The following TMPRSS11A variants were observed in gnomAD, a reference collection of about 807,000 sequenced individuals.
TMPRSS11A encodes the protein transmembrane serine protease 11A, also known as transmembrane protease serine 11A.
In TMPRSS11A, 53 loss-of-function variants were observed where a neutral mutation model predicts 58.9. The ratio of observed to expected loss-of-function variants is 0.90; its 90% CI spans 0.72 to 1.13. TMPRSS11A has a LOEUF of 1.13. Ranked by LOEUF, TMPRSS11A falls within the 50% of genes most tolerant of loss-of-function variation. The pLI is 0.00. For synonymous variants in TMPRSS11A, 167 were observed against 169.8 expected, an observed-to-expected ratio of 0.98 and a Z score of 0.13; for missense variants, 493 against 499.3, an observed-to-expected ratio of 0.99 and a Z score of 0.12.
At chr4:67,933,846 A>G (rs1720688482) in intron 3 of TMPRSS11A, among the ~76,000 whole-genome samples, 1 of 152,190 alleles carries the variant, frequency 6.6e-6, no homozygotes, top group Non-Finnish European at 1.5e-5. Context: ...TTGGGTATTT[A>G]AAGAAGTTTG....
chr4:67,940,979 C>A (rs1720867412), intron 3 of TMPRSS11A, among the ~76,000 whole-genome samples: 1 of 152,176 alleles, frequency 6.6e-6, no homozygotes, highest in African/African-American at 2.4e-5. Flanking sequence ...TGCTTCTCCA[C>A]CTGCAGGATG....
intron 3 of TMPRSS11A, among the ~76,000 whole-genome samples, chr4:67,934,907 G>A (rs1212909931): frequency 2.6e-5 from 4 of 152,056 alleles, no homozygotes; most frequent in Non-Finnish European, 5.9e-5. Flanking sequence ...ACCTCAGATA[G>A]ATATGTCACT....
At chr4:67,938,769 T>C (rs1577863636) in intron 3 of TMPRSS11A, among the ~76,000 whole-genome samples, 1 of 152,190 alleles carries the variant, frequency 6.6e-6, no homozygotes. Flanking sequence ...TTGGTTTATA[T>C]GTCTGTTTTT....
intron 1 of TMPRSS11A, among the ~76,000 whole-genome samples, chr4:67,950,789 C>G (rs936682192): frequency 3.3e-5 from 5 of 152,158 alleles, no homozygotes; most frequent in African/African-American, 1.2e-4. Context: ...TTAAAAATAA[C>G]TAAGGGATAT....
intron 1 of TMPRSS11A, among the ~76,000 whole-genome samples, chr4:67,959,863 T>A (rs1461486992): frequency 6.6e-6 from 1 of 152,222 alleles, no homozygotes; most frequent in Non-Finnish European, 1.5e-5. Context: ...AAAAGATACA[T>A]GCACTCATGT....
intron 8 of TMPRSS11A, among the ~76,000 whole-genome samples, chr4:67,918,505 A>G (rs907400303): frequency 5.3e-5 from 8 of 152,356 alleles, no homozygotes; most frequent in Non-Finnish European, 1.2e-4. Flanking sequence ...ACACAGCTGG[A>G]ACAATAGAAA....
At chr4:67,919,533 C>T in intron 7 of TMPRSS11A, among the ~76,000 whole-genome samples, 1 of 152,096 alleles carries the variant, frequency 6.6e-6, no homozygotes, top group Admixed American at 6.5e-5. Context: ...TGTGCTGAGC[C>T]TTATCTGAAC....
intron 5 of TMPRSS11A, among the ~76,000 whole-genome samples, chr4:67,928,593 A>G (rs1720532135): frequency 6.6e-6 from 1 of 152,172 alleles, no homozygotes; most frequent in African/African-American, 2.4e-5. Context: ...TTGTTTCACA[A>G]CTTCTATTCA....
At chr4:67,921,745 T>A (rs1406298612) in intron 7 of TMPRSS11A, among the ~76,000 whole-genome samples, 1 of 152,224 alleles carries the variant, frequency 6.6e-6, no homozygotes, top group Non-Finnish European at 1.5e-5. Context: ...ATCTAGCCTA[T>A]CTATTACCTA....
At chr4:67,917,474 A>G (rs1273192063) in intron 8 of TMPRSS11A, among the ~76,000 whole-genome samples, 2 of 152,154 alleles carry the variant, frequency 1.3e-5, no homozygotes, top group Non-Finnish European at 2.9e-5. Context: ...GTACAATTTC[A>G]ATTTTAAAAA....
chr4:67,954,376 T>G (rs1396122297), intron 1 of TMPRSS11A, among the ~76,000 whole-genome samples: 1 of 152,224 alleles, frequency 6.6e-6, no homozygotes, highest in East Asian at 1.9e-4. Flanking sequence ...ACATCTGGCC[T>G]GCCAGGCTGG....
intron 9 of TMPRSS11A, among the ~76,000 whole-genome samples, chr4:67,912,984 C>A (rs1255194336): frequency 6.6e-6 from 1 of 152,042 alleles, no homozygotes; most frequent in Non-Finnish European, 1.5e-5. Context: ...TTATTTTTCT[C>A]CTCTGTGTCT....
At chr4:67,923,987 A>G in intron 6 of TMPRSS11A, 141 bp downstream of exon 6, 1 of 790,678 alleles carries the variant, frequency 1.3e-6, no homozygotes, top group Non-Finnish European at 2.2e-6. Context: ...TAGAAAAAAA[A>G]TGTATTTAAA....
intron 3 of TMPRSS11A, among the ~76,000 whole-genome samples, chr4:67,940,326 G>T (rs190882216): frequency 6.6e-6 from 1 of 152,088 alleles, no homozygotes; most frequent in African/African-American, 2.4e-5. Context: ...TTTCTTGTAC[G>T]TCTGGTAGAA....
intron 3 of TMPRSS11A, among the ~76,000 whole-genome samples, chr4:67,939,134 T>G (rs1720818254): frequency 2.0e-5 from 3 of 149,866 alleles, no homozygotes; most frequent in Middle Eastern, 6.8e-3. Context: ...TTTACCTCCT[T>G]GGTTAGATGT....
chr4:67,914,260 A>G (rs1474174284), intron 9 of TMPRSS11A, among the ~76,000 whole-genome samples: 1 of 152,150 alleles, frequency 6.6e-6, no homozygotes, highest in Non-Finnish European at 1.5e-5. Flanking sequence ...TTTTCATTAT[A>G]TTATTCATAA....
intron 3 of TMPRSS11A, among the ~76,000 whole-genome samples, chr4:67,933,928 A>G (rs1720690644): frequency 6.6e-6 from 1 of 152,196 alleles, no homozygotes; most frequent in Non-Finnish European, 1.5e-5. Context: ...TGGTGAAGGC[A>G]TTGGATGAAG....
At chr4:67,940,591 C>T (rs1720856136) in intron 3 of TMPRSS11A, among the ~76,000 whole-genome samples, 1 of 152,102 alleles carries the variant, frequency 6.6e-6, no homozygotes, top group Non-Finnish European at 1.5e-5. Context: ...GTAATGTTAC[C>T]TCTATCATTT....
chr4:67,944,600 A>G lies in TMPRSS11A; in HGVS notation c.171T>C (p.Ile57=). Residue 57 remains isoleucine (I), a synonymous_variant, in exon 3 of 10, where the codon ATT becomes ATC. Transcript: ENST00000508048. ...KKEYYHGSFK[I]LDPQINNNFG... ...AATTGTTATTGATTTGTGGATCTAA[A>G]ATTTTAAAGGAGCCATGATAGTACT... 6.2e-7 allele frequency: 1 copy of G among 1,612,930 alleles called. No homozygotes were observed. The highest frequency in any genetic ancestry group is 8.5e-7 in the Non-Finnish European group (1 of 1,179,104).
Sources: allele counts gnomAD v4.1 joint callset (sites outside exome capture counted in the v4.1 genomes callset), GRCh38; gene constraint gnomAD v4.1.1; transcripts MANE v1.5; gene names NCBI Gene and HGNC (gene_info 2026-07-23, HGNC 2026-07-21).